The following ATP8A2 variants were observed in gnomAD, a reference collection of about 807,000 sequenced individuals.
ATP8A2 encodes phospholipid-transporting ATPase IB.
In ATP8A2, 100 loss-of-function variants were observed where a neutral mutation model predicts 165.6. The observed-to-expected ratio is 0.60, with a 90% CI of 0.51 to 0.71. The LOEUF (loss-of-function observed/expected upper bound fraction) is 0.71. Among genes scored for constraint, ATP8A2 ranks in the 30% least tolerant of loss-of-function variants. The probability of loss-of-function intolerance (pLI) is 0.00; values close to 1 mark genes in which losing one functional copy is unlikely to be tolerated. For synonymous variants in ATP8A2, 543 were observed against 548.8 expected (o/e 0.99, Z 0.15); for missense variants, 1,227 against 1,479.5 (o/e 0.83, Z 2.80).
chr13:25,450,652 C>T (rs1302047847), intron 1 of ATP8A2, among the ~76,000 whole-genome samples: 1 of 152,142 alleles, frequency 6.6e-6, no homozygotes, highest in Admixed American at 6.5e-5. Context: ...CTGCTTCAGC[C>T]TCCCGAGTAG....
chr13:26,009,094 G>A (rs1274288761), intron 35 of ATP8A2, among the ~76,000 whole-genome samples: 1 of 152,124 alleles, frequency 6.6e-6, no homozygotes, highest in Non-Finnish European at 1.5e-5. Context: ...GAGAAGAATG[G>A]CGAGTATAAG....
intron 1 of ATP8A2, among the ~76,000 whole-genome samples, chr13:25,451,682 G>A (rs2035228681): frequency 1.3e-5 from 2 of 152,090 alleles, no homozygotes; most frequent in Non-Finnish European, 2.9e-5. Flanking sequence ...GGTTGAGGGA[G>A]TCAGTTGCTT....
chr13:25,890,738 T>C (rs1593511594), intron 33 of ATP8A2, among the ~76,000 whole-genome samples: 1 of 152,236 alleles, frequency 6.6e-6, no homozygotes, highest in South Asian at 2.1e-4. Context: ...AGCCTTTTAT[T>C]GCTAGAAATG....
chr13:25,467,614 G>T (rs1481453832), intron 1 of ATP8A2, among the ~76,000 whole-genome samples: 1 of 150,984 alleles, frequency 6.6e-6, no homozygotes, highest in Admixed American at 6.6e-5. Flanking sequence ...GCAGTGGCGC[G>T]ATCTCAGCTC....
At chr13:25,874,091 T>C (rs1328501724) in intron 33 of ATP8A2, among the ~76,000 whole-genome samples, 1 of 152,226 alleles carries the variant, frequency 6.6e-6, no homozygotes, top group African/African-American at 2.4e-5. Context: ...GCCAGAGTGA[T>C]CTTGCCAAAT....
Position 25,781,263 on chromosome 13 carries a change from C to T in ATP8A2, c.2679+6304C>T, listed in dbSNP as rs192142559. On this transcript the variant is annotated intron_variant, in intron 27 of 36. Transcript: ENST00000381655. Reference sequence around the variant, plus strand: ...CAGCCTGGGTGACAGAGTGAGACTGCGTCTCAAAAAAAAAAGTGAAATGAA... The same window carrying T: ...CAGCCTGGGTGACAGAGTGAGACTGTGTCTCAAAAAAAAAAGTGAAATGAA... 5.1e-4 allele frequency among the ~76,000 whole-genome samples: 77 copies of T among 151,410 alleles called. 2 individuals carry two copies. In the East Asian group the frequency reaches 0.013, roughly 26 times the overall value.
intron 1 of ATP8A2, among the ~76,000 whole-genome samples, chr13:25,399,903 C>CTTCTCCTCCTTCTTT (rs2033577702): frequency 8.7e-6 from 1 of 114,520 alleles, no homozygotes; most frequent in Non-Finnish European, 1.9e-5. Context: ...TCCTCTTATT[C>CTTCTCCTCCTTCTTT]TTCTCCTCCT....
At chr13:25,420,639 A>G (rs572388532) in intron 1 of ATP8A2, among the ~76,000 whole-genome samples, 1 of 152,352 alleles carries the variant, frequency 6.6e-6, no homozygotes, top group African/African-American at 2.4e-5. Context: ...CTGTGCAGCA[A>G]AACATCATGG....
intron 2 of ATP8A2, among the ~76,000 whole-genome samples, chr13:25,506,890 T>C (rs1566196114): frequency 6.7e-6 from 1 of 148,770 alleles, no homozygotes; most frequent in East Asian, 1.9e-4. Flanking sequence ...AAATTTCAGA[T>C]TTTCGGATTA....
chr13:25,788,159 A>G lies in ATP8A2; in HGVS notation c.2679+13200A>G, dbSNP rs115072715. Reference sequence around the variant, plus strand: ...CCTCCTGACCCATCTCAGCCTCATTATCCTTTCCTGTAAAGTGAGGAAAAT... The same window carrying G: ...CCTCCTGACCCATCTCAGCCTCATTGTCCTTTCCTGTAAAGTGAGGAAAAT... On this transcript the variant is annotated intron_variant, in intron 27 of 36. Coordinates refer to ENST00000381655, the MANE Select transcript of ATP8A2 (RefSeq NM_016529.6). Among the ~76,000 whole-genome samples the G allele has an allele frequency of 4.5e-3, 680 of 152,338 alleles. 4 individuals are homozygous for G. Among genetic ancestry groups the G allele is most frequent in the African/African-American group, 0.015 (639 of 41,578 alleles).
At position 25,553,925 on chromosome 13, in the gene ATP8A2, G is replaced by T. The variant is rs1435254326; in HGVS notation, c.1185+5G>T. On this transcript the variant is annotated splice_donor_5th_base_variant and intron_variant, in intron 12 of 36. Transcript: ENST00000381655. The stretch of plus-strand genomic sequence containing the variant: ...CAAGCCCTTTTCATAAACTGGGTGA[G>T]TATTAAAGCAGAGTTGAATCACTAT... 10 of 1,609,680 alleles carry T rather than the reference G, an allele frequency of 6.2e-6. No homozygotes were observed. Among genetic ancestry groups the T allele is most frequent in the Non-Finnish European group, 8.5e-6 (10 of 1,178,656 alleles).
chr13:25,416,188 AC>A (rs1052815656), intron 1 of ATP8A2, among the ~76,000 whole-genome samples: 2 of 151,460 alleles, frequency 1.3e-5, no homozygotes, highest in Non-Finnish European at 2.9e-5. Context: ...ACCTCCACCC[AC>A]CCCCTAGATT....
At chr13:25,658,495 C>T (rs1321806000) in intron 24 of ATP8A2, among the ~76,000 whole-genome samples, 18 of 152,078 alleles carry the variant, frequency 1.2e-4, no homozygotes, top group East Asian at 5.8e-4. Context: ...AAAAATTAGC[C>T]GGGGGTGGTG....
At chr13:25,913,580 C>T (rs1158864835) in intron 33 of ATP8A2, among the ~76,000 whole-genome samples, 1 of 152,148 alleles carries the variant, frequency 6.6e-6, no homozygotes, top group Non-Finnish European at 1.5e-5. Context: ...GTTCATGCCA[C>T]TGCCTGAAGC....
intron 35 of ATP8A2, among the ~76,000 whole-genome samples, chr13:25,986,394 C>T (rs1469266822): frequency 6.6e-6 from 1 of 152,210 alleles, no homozygotes; most frequent in Non-Finnish European, 1.5e-5. Context: ...GGGTAACCAC[C>T]CTTCTTCTCT....
At chr13:25,753,169 G>C (rs931886241) in intron 25 of ATP8A2, among the ~76,000 whole-genome samples, 7 of 152,172 alleles carry the variant, frequency 4.6e-5, no homozygotes, top group African/African-American at 1.7e-4. Flanking sequence ...AGGGTAGCCT[G>C]GTGGCCAACA....
intron 27 of ATP8A2, among the ~76,000 whole-genome samples, chr13:25,794,783 T>C (rs944568580): frequency 5.3e-5 from 8 of 151,382 alleles, no homozygotes; most frequent in Non-Finnish European, 1.2e-4. Flanking sequence ...AGGTCTTTTA[T>C]TGATATTGAA....
chr13:25,701,541 A>G (rs975119026), intron 25 of ATP8A2, among the ~76,000 whole-genome samples: 1 of 152,148 alleles, frequency 6.6e-6, no homozygotes, highest in African/African-American at 2.4e-5. Context: ...TCGCTGGTGG[A>G]CAAAAACAAG....
chr13:25,641,591 A>G (rs1265003565), intron 24 of ATP8A2, among the ~76,000 whole-genome samples: 2 of 152,240 alleles, frequency 1.3e-5, no homozygotes, highest in Admixed American at 6.5e-5. Flanking sequence ...CCACTGCTCA[A>G]TGAAGTAAAA....
Sources: allele counts gnomAD v4.1 joint callset (sites outside exome capture counted in the v4.1 genomes callset), GRCh38; gene constraint gnomAD v4.1.1; transcripts MANE v1.5; gene names NCBI Gene and HGNC (gene_info 2026-07-23, HGNC 2026-07-21).